The following AKAP9 variants were observed in gnomAD, a reference collection of about 807,000 sequenced individuals.
The protein encoded by AKAP9 is A-kinase anchor protein 9.
AKAP9 carries 311 observed loss-of-function variants against 488.5 expected under a neutral mutation model. The observed-to-expected ratio is 0.64, with a 90% confidence interval of 0.58 to 0.70. AKAP9 has a LOEUF of 0.70. AKAP9 is among the 30% of genes least tolerant of loss of function. AKAP9 has a pLI of 0.00. For synonymous variants in AKAP9, 1,462 were observed against 1,483.5 expected (o/e 0.99, Z 0.33); for missense variants, 4,215 against 4,374.5 (o/e 0.96, Z 1.03).
intron 8 of AKAP9, among the ~76,000 whole-genome samples, chr7:92,009,840 A>G (rs1170021364): frequency 4.6e-5 from 7 of 152,214 alleles, no homozygotes; most frequent in Non-Finnish European, 1.0e-4. Context: ...TCACATTCAT[A>G]GATAGCAGGA....
chr7:92,086,933 T>C (rs560473525), intron 37 of AKAP9, among the ~76,000 whole-genome samples: 1 of 152,322 alleles, frequency 6.6e-6, no homozygotes, highest in African/African-American at 2.4e-5. Flanking sequence ...TATTTTCTCC[T>C]TAAGGCACAT....
At chr7:92,065,516 A>G in intron 25 of AKAP9, 53 bp downstream of exon 25, 2 of 1,266,926 alleles carry the variant, frequency 1.6e-6, no homozygotes. Flanking sequence ...GTTCTTTGCT[A>G]GTATACTAGG....
intron 16 of AKAP9, among the ~76,000 whole-genome samples, chr7:92,036,688 A>G (rs976588835): frequency 3.7e-4 from 56 of 152,058 alleles, no homozygotes; most frequent in African/African-American, 1.3e-3. Context: ...TCCATGTTAC[A>G]TTCTTAATAT....
rs763188797 is a variant in AKAP9 at position 92,077,862 on chromosome 7, C to A, written c.6932C>A (p.Thr2311Lys). 1.9e-6 allele frequency: 3 copies of A among 1,611,296 alleles called. No homozygotes were observed. The highest frequency in any genetic ancestry group is 2.2e-5 in the South Asian group (2 of 90,972). ...AAACTCCAGCAGCAACTTAAAATTA[C>A]AACAGATAACAAGGTATACTCATTT... ...VTKLQQQLKI[T>K]TDNKVIEEKN... The change falls in exon 30 of 50, where the codon ACA becomes AAA. Residue 2311 changes from threonine to lysine, a missense_variant. Physicochemically the swap from Thr to Lys is moderately conservative, Grantham distance 78. This residue lies in a region of AKAP9 where 1,476 missense variants were observed against 1,477.4 expected (regional missense o/e 1.00). Coordinates refer to ENST00000356239, the MANE Select transcript of AKAP9 (RefSeq NM_005751.5).
chr7:92,066,764 T>C (rs920281183), intron 26 of AKAP9, among the ~76,000 whole-genome samples: 2 of 152,234 alleles, frequency 1.3e-5, no homozygotes, highest in African/African-American at 4.8e-5. Context: ...TCTTCTAGTA[T>C]TTCTCAATTA....
chr7:92,042,598 A>G (rs2130785359), intron 19 of AKAP9, 70 bp from the exon 20 acceptor site: 1 of 1,068,868 alleles, frequency 9.4e-7, no homozygotes, highest in Middle Eastern at 2.3e-4. Flanking sequence ...TAGAAGAATG[A>G]CATGCTGTTT....
intron 14 of AKAP9, among the ~76,000 whole-genome samples, chr7:92,026,767 T>C (rs1173687878): frequency 6.6e-6 from 1 of 151,966 alleles, no homozygotes; most frequent in East Asian, 1.9e-4. Context: ...GTCTAGGAAG[T>C]GAGGAGCATC....
intron 1 of AKAP9, among the ~76,000 whole-genome samples, chr7:91,945,175 A>T (rs971144910): frequency 6.6e-5 from 10 of 152,110 alleles, no homozygotes; most frequent in Non-Finnish European, 4.4e-5. Context: ...AGCCTGGGCA[A>T]TGTAGTGAGA....
chr7:92,017,655 CTATT>C (rs1438691177), intron 12 of AKAP9, among the ~76,000 whole-genome samples: 1 of 152,104 alleles, frequency 6.6e-6, no homozygotes, highest in Non-Finnish European at 1.5e-5. Context: ...ATGTCTGTGT[CTATT>C]TATTTGGGGT....
chr7:92,067,490 G>A (rs1321916409), intron 26 of AKAP9, among the ~76,000 whole-genome samples: 2 of 152,028 alleles, frequency 1.3e-5, no homozygotes, highest in African/African-American at 4.8e-5. Context: ...CCCACTGATG[G>A]GTCAGACTGC....
At chr7:92,077,661 A>G (rs748998988) in intron 29 of AKAP9, 35 bp from the exon 30 acceptor site, 14 of 1,568,118 alleles carry the variant, frequency 8.9e-6, no homozygotes, top group Non-Finnish European at 1.1e-5. Flanking sequence ...ATAGGTAATG[A>G]TATATCCAAC....
intron 16 of AKAP9, 123 bp from the exon 17 acceptor site, chr7:92,038,296 T>C: frequency 1.5e-6 from 1 of 664,394 alleles, no homozygotes; most frequent in East Asian, 2.8e-5. Flanking sequence ...AGGATTTCTT[T>C]TTGTTTAGAA....
intron 3 of AKAP9, among the ~76,000 whole-genome samples, chr7:91,985,898 C>T (rs1055313323): frequency 2.0e-5 from 3 of 152,276 alleles, no homozygotes; most frequent in African/African-American, 7.2e-5. Context: ...CTCCCCACCT[C>T]GGCCTCCTAA....
chr7:92,070,290 C>T (rs1811482358), intron 27 of AKAP9, 84 bp downstream of exon 27: 4 of 1,381,798 alleles, frequency 2.9e-6, no homozygotes. Flanking sequence ...GGTATTATTA[C>T]ATATTATGTT....
At chr7:91,947,608 G>A (rs1051833649) in intron 1 of AKAP9, among the ~76,000 whole-genome samples, 2 of 152,154 alleles carry the variant, frequency 1.3e-5, no homozygotes, top group African/African-American at 2.4e-5. Flanking sequence ...CCAAAGTGCT[G>A]GGATTACAGG....
chr7:91,986,999 T>C (rs1027971299), intron 3 of AKAP9, among the ~76,000 whole-genome samples: 1 of 152,092 alleles, frequency 6.6e-6, no homozygotes, highest in East Asian at 1.9e-4. Flanking sequence ...AAGATACTTA[T>C]TCTTACAGTA....
At chr7:91,972,806 A>G (rs1795252574) in intron 1 of AKAP9, among the ~76,000 whole-genome samples, 1 of 152,326 alleles carries the variant, frequency 6.6e-6, no homozygotes, top group African/African-American at 2.4e-5. Flanking sequence ...TAAGTAAATG[A>G]TACATAAAGG....
At chr7:92,018,005 A>C (rs933618091) in intron 12 of AKAP9, among the ~76,000 whole-genome samples, 2 of 152,106 alleles carry the variant, frequency 1.3e-5, no homozygotes, top group Non-Finnish European at 2.9e-5. Flanking sequence ...GAAAGGGAGG[A>C]GGTTTATGTC....
At position 92,042,139 on chromosome 7, in the gene AKAP9, A is replaced by G. The variant is rs376859050; in HGVS notation, c.5011A>G (p.Arg1671Gly). ...ACTAAAGCAGCTGTCTTTAGCTGGA[A>G]GAGAGAAGCTGTGTTGTGAGCTGCG... Reference protein sequence around the residue: ...EALKQLSLAGREKLCCELRNS... With the variant: ...EALKQLSLAGGEKLCCELRNS... The change falls in exon 19 of 50, where the codon AGA becomes GGA. Residue 1671 changes from arginine (R) to glycine (G), a missense_variant. Arg to Gly is a moderately radical substitution (Grantham distance 125). Coordinates refer to ENST00000356239, the MANE Select transcript of AKAP9 (RefSeq NM_005751.5). 4 of 1,613,908 alleles carry G rather than the reference A, an allele frequency of 2.5e-6. No individual in the cohort carries two copies. The East Asian group carries it at 6.7e-5, about 27-fold the overall frequency.
Sources: gnomAD v4.1 joint callset for allele counts (sites outside exome capture counted in the v4.1 genomes callset) on GRCh38, gnomAD v4.1.1 for gene constraint, gnomAD v4.1.1 regional missense constraint, MANE v1.5 for transcripts, NCBI Gene and HGNC (gene_info 2026-07-23, HGNC 2026-07-21) for gene names.